DMD: variants seen among roughly 807,000 people sequenced by gnomAD.
DMD encodes the protein dystrophin.
In DMD, 63 loss-of-function variants were observed where a neutral mutation model predicts 330.1. The observed-to-expected ratio is 0.19, with a 90% CI of 0.16 to 0.24. The LOEUF is 0.24. Among genes scored for constraint, DMD ranks in the 10% least tolerant of loss-of-function variants. The pLI is 1.00. For synonymous variants in DMD, 1,223 were observed against 959.8 expected (o/e 1.27, Z -5.07); for missense variants, 3,344 against 2,684.1 (o/e 1.25, Z -5.43).
chrX:32,144,003 C>T (rs2096766850), intron 44 of DMD, among the ~76,000 whole-genome samples: 2 of 111,598 alleles, frequency 1.8e-5, no homozygotes, highest in African/African-American at 3.3e-5. Flanking sequence ...ACTCTTAAGA[C>T]TTGCCCATCT....
chrX:32,335,534 C>T (rs1172073672), intron 41 of DMD, among the ~76,000 whole-genome samples: 1 of 100,339 alleles, frequency 1.0e-5, no homozygotes, highest in African/African-American at 3.6e-5. Context: ...ATATATAAAA[C>T]ATGTTATATA....
rs749430511 is a variant in DMD at position 31,340,394 on chromosome X, GT to G, written c.9163+8161del. On this transcript the variant is annotated intron_variant, in intron 61 of 78. Transcript: ENST00000357033. The stretch of plus-strand genomic sequence containing the variant: ...TGGAGTATAAAATGTTACCTTTATT[GT>G]TTTTTTTCCATTACAAAGGTAGTAC... 1.6e-3 allele frequency among the ~76,000 whole-genome samples: 180 copies of G among 111,854 alleles called. 1 individual carries two copies. Among genetic ancestry groups the G allele is most frequent in the Non-Finnish European group, 2.8e-3 (148 of 53,027 alleles).
chrX:31,729,792 G>A, intron 51 of DMD, 44 bp from the exon 52 acceptor site: 1 of 1,032,447 alleles, frequency 9.7e-7, no homozygotes, highest in East Asian at 3.0e-5. Context: ...CTTCAGCGTT[G>A]TGTATTCCTT....
chrX:31,529,416 TAGTAA>T (rs1463433991), intron 55 of DMD, among the ~76,000 whole-genome samples: 5 of 109,950 alleles, frequency 4.5e-5, no homozygotes, highest in African/African-American at 1.7e-4. Flanking sequence ...AAATAAAATA[TAGTAA>T]AGTAAAGTAA....
intron 44 of DMD, among the ~76,000 whole-genome samples, chrX:32,169,774 G>A (rs1338201317): frequency 9.0e-6 from 1 of 111,601 alleles, no homozygotes; most frequent in Non-Finnish European, 1.9e-5. Context: ...ATTTCTATTT[G>A]GAGGAAAGAT....
chrX:32,635,870 C>CCAT (rs1170403237), intron 11 of DMD, among the ~76,000 whole-genome samples: 1 of 111,851 alleles, frequency 8.9e-6, no homozygotes, highest in African/African-American at 3.3e-5. Context: ...ACAAGTACAT[C>CCAT]CATCGCTATT....
At chrX:31,712,667 C>T (rs2084734282) in intron 52 of DMD, among the ~76,000 whole-genome samples, 1 of 111,197 alleles carries the variant, frequency 9.0e-6, no homozygotes, top group South Asian at 3.8e-4. Context: ...GTCTTCCTTT[C>T]CTTTTTTCTT....
intron 50 of DMD, among the ~76,000 whole-genome samples, chrX:31,797,758 G>C (rs1454552239): frequency 1.8e-5 from 2 of 111,172 alleles, no homozygotes; most frequent in Admixed American, 1.9e-4. Flanking sequence ...GATTCTTTCT[G>C]ACATATAGGA....
chrX:31,951,111 C>CTATATATATATA (rs1190843934), intron 45 of DMD, among the ~76,000 whole-genome samples: 50 of 66,806 alleles, frequency 7.5e-4, no homozygotes, highest in Middle Eastern at 7.5e-3. Context: ...AACACACATA[C>CTATATATATATA]TATATATATA....
intron 3 of DMD, among the ~76,000 whole-genome samples, chrX:32,847,830 GC>G (rs940760537): frequency 8.9e-6 from 1 of 111,755 alleles, no homozygotes; most frequent in Non-Finnish European, 1.9e-5. Flanking sequence ...TTTTGTCTTA[GC>G]GTCTATGTAT....
intron 43 of DMD, among the ~76,000 whole-genome samples, chrX:32,219,258 A>G (rs2097124206): frequency 8.9e-6 from 1 of 111,949 alleles, no homozygotes; most frequent in Non-Finnish European, 1.9e-5. Context: ...TATATTTTCA[A>G]TGGTATATAA....
chrX:31,399,502 G>A (rs1430711879), intron 60 of DMD, among the ~76,000 whole-genome samples: 1 of 109,786 alleles, frequency 9.1e-6, no homozygotes, highest in Non-Finnish European at 1.9e-5. Context: ...AAACAGGGAT[G>A]TAAGTTCTCA....
chrX:32,843,764 TA>T (rs1479176607), intron 4 of DMD, among the ~76,000 whole-genome samples: 1 of 111,596 alleles, frequency 9.0e-6, no homozygotes, highest in Non-Finnish European at 1.9e-5. Context: ...AGGATGTTAA[TA>T]AGAAAGGAAG....
rs753919605 is a variant in DMD at position 32,386,283 on chromosome X, G to T, written c.4674+27C>A. On this transcript the variant is annotated intron_variant, in intron 33 of 78. Transcript: ENST00000357033. ...CAATTTATAAGGAAAGTGGAAAGAAGTGTTTGTGGTCTCAGCATGCACACA... is the reference window on the plus strand; with the variant it reads ...CAATTTATAAGGAAAGTGGAAAGAATTGTTTGTGGTCTCAGCATGCACACA... 1.6e-5 allele frequency: 19 copies of T among 1,205,430 alleles called. No individual in the cohort carries two copies. The South Asian group carries it at 2.3e-4, about 15-fold the overall frequency.
intron 59 of DMD, among the ~76,000 whole-genome samples, chrX:31,446,567 TA>T (rs939434449): frequency 3.6e-5 from 4 of 111,959 alleles, no homozygotes; most frequent in African/African-American, 1.3e-4. Context: ...GAAAGTTTTA[TA>T]GGGGTGGATA....
intron 57 of DMD, among the ~76,000 whole-genome samples, chrX:31,480,081 T>C (rs2068136877): frequency 1.8e-5 from 2 of 112,345 alleles, no homozygotes; most frequent in South Asian, 7.3e-4. Context: ...ACAGTAATAT[T>C]TGCCCTGATC....
intron 63 of DMD, among the ~76,000 whole-genome samples, chrX:31,226,944 TTC>T (rs2046658954): frequency 8.9e-6 from 1 of 112,131 alleles, no homozygotes; most frequent in African/African-American, 3.2e-5. Context: ...ATCCCAAATT[TTC>T]TCTCATTCCT....
intron 60 of DMD, among the ~76,000 whole-genome samples, chrX:31,434,432 A>G (rs868867893): frequency 0.12 from 10,025 of 85,754 alleles, 757 homozygotes; most frequent in African/African-American, 0.27. Flanking sequence ...ACACACACAC[A>G]CACACACACA....
chrX:32,570,681 G>T (rs1011196528), intron 15 of DMD, among the ~76,000 whole-genome samples: 11 of 111,405 alleles, frequency 9.9e-5, no homozygotes, highest in Non-Finnish European at 1.9e-4. Context: ...AATGTTGTAG[G>T]ATACAGATCC....
Sources: gnomAD v4.1 joint callset for allele counts (sites outside exome capture counted in the v4.1 genomes callset) on GRCh38, gnomAD v4.1.1 for gene constraint, MANE v1.5 for transcripts, NCBI Gene and HGNC (gene_info 2026-07-23, HGNC 2026-07-21) for gene names.